Variants in CMIP observed in about 807,000 individuals in gnomAD.
The protein encoded by CMIP is C-Maf-inducing protein.
Under a neutral mutation model 97.3 loss-of-function variants are expected in CMIP, and 13 were observed. The ratio of observed to expected loss-of-function variants is 0.13; its 90% confidence interval spans 0.09 to 0.21. The LOEUF is 0.21. Among genes scored for constraint, CMIP ranks in the 10% least tolerant of loss-of-function variants. The probability of loss-of-function intolerance (pLI) is 1.00; values close to 1 mark genes in which losing one functional copy is unlikely to be tolerated. For missense variants in CMIP, 847 were observed against 1,024.9 expected (o/e 0.83, Z 2.37); for synonymous variants, 538 against 436.3 (o/e 1.23, Z -2.91).
chr16:81,527,100 T>A (rs1021713451), intron 1 of CMIP, among the ~76,000 whole-genome samples: 2 of 152,186 alleles, frequency 1.3e-5, no homozygotes, highest in African/African-American at 4.8e-5. Flanking sequence ...GAAAGGAATG[T>A]GTTTTCTTGG....
intron 1 of CMIP, chr16:81,603,453 C>G: frequency 2.2e-6 from 1 of 454,490 alleles, no homozygotes; most frequent in Non-Finnish European, 4.4e-6. Context: ...CGAGGATACC[C>G]CAGAGTTCTC....
chr16:81,649,825 T>C (rs1327830713), intron 3 of CMIP, among the ~76,000 whole-genome samples: 1 of 152,204 alleles, frequency 6.6e-6, no homozygotes, highest in Non-Finnish European at 1.5e-5. Context: ...TGAGATCATT[T>C]CATGGTCTTT....
intron 13 of CMIP, among the ~76,000 whole-genome samples, chr16:81,694,660 G>A (rs975301918): frequency 1.3e-5 from 2 of 152,292 alleles, no homozygotes; most frequent in Admixed American, 6.5e-5. Context: ...CCCTGCCGCC[G>A]CATCCCTTCC....
chr16:81,526,987 C>G (rs932061726), intron 1 of CMIP, among the ~76,000 whole-genome samples: 1 of 152,234 alleles, frequency 6.6e-6, no homozygotes, highest in Admixed American at 6.5e-5. Flanking sequence ...AGTGAGCACA[C>G]AGGGCGTGAG....
At chr16:81,668,494 TC>T (rs2092635799) in intron 7 of CMIP, among the ~76,000 whole-genome samples, 1 of 152,150 alleles carries the variant, frequency 6.6e-6, no homozygotes, top group African/African-American at 2.4e-5. Context: ...GCCCCTGTCT[TC>T]CTGACACCTG....
intron 1 of CMIP, among the ~76,000 whole-genome samples, chr16:81,568,797 C>T (rs899345603): frequency 3.3e-5 from 5 of 152,158 alleles, no homozygotes; most frequent in African/African-American, 7.2e-5. Context: ...CAACCAGCCT[C>T]GCCATAAACC....
intron 1 of CMIP, among the ~76,000 whole-genome samples, chr16:81,451,881 C>A (rs1444653079): frequency 6.6e-6 from 1 of 152,228 alleles, no homozygotes; most frequent in African/African-American, 2.4e-5. Context: ...GAGAGTTTCT[C>A]TTCCTTGCTC....
chr16:81,506,118 A>T (rs2089704821), intron 1 of CMIP, among the ~76,000 whole-genome samples: 1 of 152,248 alleles, frequency 6.6e-6, no homozygotes, highest in Admixed American at 6.5e-5. Context: ...CAACCCTAAC[A>T]GGTGGGACCC....
intron 1 of CMIP, among the ~76,000 whole-genome samples, chr16:81,457,054 A>G (rs1906592633): frequency 1.3e-5 from 2 of 152,100 alleles, no homozygotes; most frequent in South Asian, 4.1e-4. Flanking sequence ...GATCACAGTG[A>G]GCACGAAGTT....
At chr16:81,542,390 C>G (rs987928523) in intron 1 of CMIP, among the ~76,000 whole-genome samples, 1 of 152,072 alleles carries the variant, frequency 6.6e-6, no homozygotes, top group Non-Finnish European at 1.5e-5. Flanking sequence ...TGTGAGGCAC[C>G]GAGGGTGGGA....
intron 1 of CMIP, among the ~76,000 whole-genome samples, chr16:81,455,344 C>T (rs918841527): frequency 6.6e-6 from 1 of 152,242 alleles, no homozygotes; most frequent in East Asian, 1.9e-4. Flanking sequence ...TACTGTTACT[C>T]TCTCCATTTT....
rs1417601799 is a variant in CMIP, at chr16:81,707,063, T to G, written c.2247T>G (p.Ala749=). Residue 749 remains alanine (A), a synonymous_variant, in exon 20 of 21, where the codon GCT becomes GCG. Coordinates refer to ENST00000537098, the MANE Select transcript of CMIP (RefSeq NM_198390.3). The part of the protein sequence containing the change: ...SLNMNSTKLS[A]DTYEDLKAKL... ...ACATGAACAGCACCAAGCTCTCAGC[T>G]GACACCTACGAAGATCTGAAGGTAA... The G allele has an allele frequency of 1.2e-6, 2 of 1,613,832 alleles. No individual in the cohort carries two copies. The highest frequency in any genetic ancestry group is 2.2e-5 in the South Asian group (2 of 91,084).
chr16:81,677,491 G>T (rs571217886), intron 9 of CMIP, among the ~76,000 whole-genome samples: 1 of 152,268 alleles, frequency 6.6e-6, no homozygotes, highest in East Asian at 1.9e-4. Context: ...CCCTTATAAT[G>T]CACCTCCCAG....
At chr16:81,564,124 G>A (rs2090936448) in intron 1 of CMIP, among the ~76,000 whole-genome samples, 1 of 152,264 alleles carries the variant, frequency 6.6e-6, no homozygotes, top group African/African-American at 2.4e-5. Context: ...AGCAGGTGGT[G>A]ACATCACAGT....
At chr16:81,568,558 A>C (rs778676169) in intron 1 of CMIP, among the ~76,000 whole-genome samples, 1 of 152,206 alleles carries the variant, frequency 6.6e-6, no homozygotes, top group Non-Finnish European at 1.5e-5. Context: ...TGAAGGCCTG[A>C]TGGGGAGGAG....
intron 1 of CMIP, among the ~76,000 whole-genome samples, chr16:81,544,443 T>C (rs531389336): frequency 1.8e-4 from 27 of 152,012 alleles, no homozygotes; most frequent in Admixed American, 7.2e-4. Context: ...TGTGTGTGTG[T>C]GCGCGCACAC....
chr16:81,652,268 G>C lies in CMIP; in HGVS notation c.543G>C (p.Glu181Asp). The C allele has an allele frequency of 1.9e-6, 3 of 1,613,770 alleles. No homozygotes were observed. Among genetic ancestry groups the C allele is most frequent in the Non-Finnish European group, 2.5e-6 (3 of 1,179,648 alleles). Reference protein sequence around the residue: ...NPSRWEVVLKEIRTLVDMALT... With the variant: ...NPSRWEVVLKDIRTLVDMALT... Reference sequence around the variant, plus strand: ...GCCGCTGGGAAGTTGTCTTGAAAGAGATCCGGACCCTGGTGGACATGGCCC... The same window carrying C: ...GCCGCTGGGAAGTTGTCTTGAAAGACATCCGGACCCTGGTGGACATGGCCC... Residue 181 changes from glutamate (E) to aspartate (D), a missense_variant, in exon 4 of 21, where the codon GAG becomes GAC. Glu to Asp is a conservative substitution (Grantham distance 45). Around this residue, in one of 4 missense-constraint regions of CMIP, gnomAD observed 285 missense variants for 392.2 expected, o/e 0.73. Coordinates refer to ENST00000537098, the MANE Select transcript of CMIP (RefSeq NM_198390.3). This position sits in a 1 kb window ranked among gnomAD's most constrained non-coding sequence, Gnocchi z 5.2.
intron 1 of CMIP, among the ~76,000 whole-genome samples, chr16:81,493,137 C>T (rs769770968): frequency 3.3e-5 from 5 of 152,098 alleles, no homozygotes; most frequent in Non-Finnish European, 7.4e-5. Context: ...GGGTCTTGTA[C>T]GTCCTCACAG....
At chr16:81,613,547 CT>C (rs2091865486) in intron 2 of CMIP, among the ~76,000 whole-genome samples, 1 of 152,186 alleles carries the variant, frequency 6.6e-6, no homozygotes, top group Non-Finnish European at 1.5e-5. Flanking sequence ...GAAACGCACT[CT>C]AATACTTGTC....
Sources: allele counts gnomAD v4.1 joint callset (sites outside exome capture counted in the v4.1 genomes callset), GRCh38; gene constraint gnomAD v4.1.1; regional missense constraint gnomAD v4.1.1; non-coding constraint Gnocchi (gnomAD v3.1); transcripts MANE v1.5; gene names NCBI Gene and HGNC (gene_info 2026-07-23, HGNC 2026-07-21).